The following HOMER2 variants were observed in gnomAD, a reference collection of about 807,000 sequenced individuals.
The protein encoded by HOMER2 is homer protein homolog 2.
HOMER2 carries 27 observed loss-of-function variants against 47.0 expected under a neutral mutation model. The observed-to-expected ratio is 0.57, with a 90% CI of 0.42 to 0.79. HOMER2 has a LOEUF of 0.79. HOMER2 is among the 30% of genes least tolerant of loss of function. The pLI is 0.00. For missense variants in HOMER2, 443 were observed against 435.0 expected, an observed-to-expected ratio of 1.02 and a Z score of -0.16; for synonymous variants, 161 against 163.8, an observed-to-expected ratio of 0.98 and a Z score of 0.13.
chr15:82,962,941 T>G (rs1012694454), intron 1 of HOMER2, among the ~76,000 whole-genome samples: 2 of 152,178 alleles, frequency 1.3e-5, no homozygotes, highest in Non-Finnish European at 2.9e-5. Context: ...GACTTGACCT[T>G]GCCCAGAGGG....
intron 3 of HOMER2, among the ~76,000 whole-genome samples, chr15:82,873,606 C>A (rs1567026548): frequency 6.6e-6 from 1 of 152,188 alleles, no homozygotes; most frequent in Non-Finnish European, 1.5e-5. Flanking sequence ...TGTCCAATGA[C>A]CTGCCCTCGA....
At chr15:82,845,400 G>A (rs565609340), downstream of HOMER2, 1 of 152,066 alleles carries the variant, frequency 6.6e-6, no homozygotes, top group African/African-American at 2.4e-5. Context: ...CATGGAAGAG[G>A]CATGTAAGTA....
At chr15:82,919,975 C>T (rs2053687395) in intron 1 of HOMER2, among the ~76,000 whole-genome samples, 1 of 152,224 alleles carries the variant, frequency 6.6e-6, no homozygotes, top group African/African-American at 2.4e-5. Flanking sequence ...AGCCCGTCTT[C>T]CCATAACCCT....
chr15:82,949,119 G>T (rs886424580), intron 1 of HOMER2, among the ~76,000 whole-genome samples: 1 of 152,198 alleles, frequency 6.6e-6, no homozygotes, highest in African/African-American at 2.4e-5. Context: ...TAGGGCCACT[G>T]ACTTGGATGG....
chr15:82,874,746 G>A (rs537908041), intron 3 of HOMER2, among the ~76,000 whole-genome samples: 13 of 152,338 alleles, frequency 8.5e-5, no homozygotes, highest in East Asian at 7.7e-4. Flanking sequence ...AGTCACTGAC[G>A]TTGATGGCTG....
chr15:82,980,223 C>T (rs933727456), intron 1 of HOMER2, among the ~76,000 whole-genome samples: 8 of 152,022 alleles, frequency 5.3e-5, no homozygotes, highest in Admixed American at 5.2e-4. Context: ...CAGCCAAGAG[C>T]ATGCCTGTGA....
intron 1 of HOMER2, among the ~76,000 whole-genome samples, chr15:82,948,753 G>A (rs1177770113): frequency 6.6e-6 from 1 of 152,218 alleles, no homozygotes; most frequent in Non-Finnish European, 1.5e-5. Flanking sequence ...AAGGAAAGGA[G>A]ATCTATGTTA....
chr15:82,964,891 G>A (rs1007679116), intron 1 of HOMER2, among the ~76,000 whole-genome samples: 3 of 152,242 alleles, frequency 2.0e-5, no homozygotes, highest in African/African-American at 7.2e-5. Flanking sequence ...GCAGGAAAAG[G>A]TTCCGTGCTC....
rs58323062 is a variant in HOMER2 at position 82,914,178 on chromosome 15, T to TACACACACACAC, written c.6-21349_6-21338dup. Among the ~76,000 whole-genome samples, 45 of 116,808 alleles carry TACACACACACAC rather than the reference T, an allele frequency of 3.9e-4. 1 individual carries two copies. Among genetic ancestry groups the TACACACACACAC allele is most frequent in the African/African-American group, 1.2e-3 (34 of 29,192 alleles). 76.6% of individuals were successfully genotyped at this position (116,808 alleles called of 152,430 possible). A position where few individuals can be genotyped will look rare whatever the true frequency, so the allele number is the denominator to read the frequency against. On this transcript the variant is annotated intron_variant, in intron 1 of 8. Transcript: ENST00000450735. ...GGTGAAACCCCATCTCTACTAAAAATACACACACACACACACACACACACA... is the reference window on the plus strand; with the variant it reads ...GGTGAAACCCCATCTCTACTAAAAATACACACACACACACACACACACACACACACACACACA...
intron 1 of HOMER2, among the ~76,000 whole-genome samples, chr15:82,915,827 A>C (rs872598): frequency 0.53 from 80,080 of 152,074 alleles, 21,571 homozygotes; most frequent in East Asian, 0.62. Flanking sequence ...AAAAACAAAC[A>C]AACAAAAATA....
intron 1 of HOMER2, among the ~76,000 whole-genome samples, chr15:82,936,270 C>T (rs994510945): frequency 6.6e-6 from 1 of 152,194 alleles, no homozygotes; most frequent in Non-Finnish European, 1.5e-5. Context: ...ATTCTAAAGT[C>T]GGTCTCAGCC....
At chr15:82,845,055 C>G (rs1419228555), downstream of HOMER2, 4 of 152,188 alleles carry the variant, frequency 2.6e-5, no homozygotes, top group Non-Finnish European at 4.4e-5. Context: ...GGGCACTGAA[C>G]AATTCCACTT....
At chr15:82,948,422 G>A (rs1214695575) in intron 1 of HOMER2, among the ~76,000 whole-genome samples, 1 of 151,958 alleles carries the variant, frequency 6.6e-6, no homozygotes, top group Non-Finnish European at 1.5e-5. Context: ...AATTAGCTGG[G>A]TGTGATGGCA....
exon 2 of HOMER2, chr15:82,840,797 C>T (rs1165634045): frequency 2.0e-5 from 1 of 48,874 alleles, no homozygotes; most frequent in African/African-American, 8.8e-5. Context: ...AAATAATGAG[C>T]ATGAAAAAAA....
chr15:82,944,652 C>G (rs1304254142), intron 1 of HOMER2, among the ~76,000 whole-genome samples: 1 of 152,028 alleles, frequency 6.6e-6, no homozygotes, highest in African/African-American at 2.4e-5. Flanking sequence ...GCCCTCAGCC[C>G]CACCCCGTGT....
At chr15:82,892,889 T>C (rs756660835) in intron 1 of HOMER2, 48 bp from the exon 2 acceptor site, 2 of 1,397,376 alleles carry the variant, frequency 1.4e-6, no homozygotes, top group South Asian at 2.0e-5. Context: ...TGACTTAATG[T>C]ATAATTTATG....
chr15:82,919,278 A>G (rs1292058376), intron 1 of HOMER2, among the ~76,000 whole-genome samples: 1 of 152,206 alleles, frequency 6.6e-6, no homozygotes. Flanking sequence ...TGCCTGCTCT[A>G]CCCAACACCT....
At chr15:82,862,155 G>T (rs1209167979) in intron 4 of HOMER2, among the ~76,000 whole-genome samples, 1 of 140,202 alleles carries the variant, frequency 7.1e-6, no homozygotes, top group Non-Finnish European at 1.6e-5. Flanking sequence ...CACTGGCCTC[G>T]GCTTCCCAAA....
intron 1 of HOMER2, among the ~76,000 whole-genome samples, chr15:82,903,335 G>A (rs2053186866): frequency 6.6e-6 from 1 of 152,172 alleles, no homozygotes; most frequent in African/African-American, 2.4e-5. Flanking sequence ...GTAAAAGGCT[G>A]GGTGCGGTGG....
Sources: gnomAD v4.1 joint callset for allele counts (sites outside exome capture counted in the v4.1 genomes callset) on GRCh38, gnomAD v4.1.1 for gene constraint, MANE v1.5 for transcripts, NCBI Gene and HGNC (gene_info 2026-07-23, HGNC 2026-07-21) for gene names.